AGAP4: variants seen among roughly 807,000 people sequenced by gnomAD.
The protein encoded by AGAP4 is ArfGAP with GTPase domain, ankyrin repeat and PH domain 4, also known as arf-GAP with GTPase, ANK repeat and PH domain-containing protein 4.
Under a neutral mutation model 60.7 loss-of-function variants are expected in AGAP4, and 13 were observed. The ratio of observed to expected loss-of-function variants is 0.21; its 90% CI spans 0.14 to 0.34. The LOEUF (loss-of-function observed/expected upper bound fraction) is 0.34. Ranked by LOEUF, AGAP4 falls within the 10% of genes least tolerant of loss-of-function variation. The probability of loss-of-function intolerance (pLI) is 1.00; values close to 1 mark genes in which losing one functional copy is unlikely to be tolerated. For synonymous variants in AGAP4, 70 were observed against 339.0 expected (o/e 0.21, Z 8.72); for missense variants, 169 against 884.0 (o/e 0.19, Z 10.26).
intron 4 of AGAP4, among the ~76,000 whole-genome samples, chr10:45,837,079 C>T (rs1244069158): frequency 2.8e-4 from 38 of 137,106 alleles, no homozygotes; most frequent in East Asian, 1.1e-3. Flanking sequence ...GTTGGCCAGG[C>T]TGGTCTCGAA....
intron 6 of AGAP4, among the ~76,000 whole-genome samples, chr10:45,830,371 C>T (rs1268301303): frequency 7.5e-6 from 1 of 133,078 alleles, no homozygotes; most frequent in Non-Finnish European, 1.6e-5. Flanking sequence ...CGGGTTTTAC[C>T]ATGTTGGTCG....
At chr10:45,853,709 T>C in exon 1 of AGAP4, 1 of 1,287,820 alleles carries the variant, frequency 7.8e-7, no homozygotes. Flanking sequence ...CAGAAGCTCC[T>C]CTTGGGCAGA....
upstream of AGAP4, chr10:45,847,537 G>T (rs1190009811): frequency 6.1e-6 from 9 of 1,474,434 alleles, no homozygotes; most frequent in Non-Finnish European, 7.1e-6. Context: ...GGCTAGGGCT[G>T]CGGGCCAAGG....
At chr10:45,854,221 G>T, upstream of AGAP4, 1 of 183,424 alleles carries the variant, frequency 5.5e-6, no homozygotes, top group Non-Finnish European at 1.2e-5. Context: ...CTGGGTGAAG[G>T]GACTGACTGC....
At chr10:45,848,630 C>A (rs2059037598), upstream of AGAP4, among the ~76,000 whole-genome samples, 1 of 152,014 alleles carries the variant, frequency 6.6e-6, no homozygotes, top group South Asian at 2.1e-4. Flanking sequence ...AAGGGTGGGG[C>A]CATAGTTTGA....
intron 4 of AGAP4, among the ~76,000 whole-genome samples, chr10:45,841,126 A>T (rs2058909591): frequency 1.1e-5 from 1 of 91,172 alleles, no homozygotes; most frequent in Admixed American, 9.5e-5. Flanking sequence ...TTTTTGAGAC[A>T]GAGTTTTGCT....
chr10:45,840,153 C>G (rs2058894078), intron 4 of AGAP4, among the ~76,000 whole-genome samples: 1 of 148,052 alleles, frequency 6.8e-6, no homozygotes, highest in Non-Finnish European at 1.5e-5. Context: ...GAGAGAGATT[C>G]TAAAAAGCTT....
chr10:45,837,128 G>C (rs1156663217), intron 4 of AGAP4, among the ~76,000 whole-genome samples: 1 of 144,658 alleles, frequency 6.9e-6, no homozygotes, highest in African/African-American at 2.5e-5. Context: ...GCCTCCCAAA[G>C]TGCTGGGATT....
exon 1 of AGAP4, chr10:45,853,812 T>C: frequency 7.8e-7 from 1 of 1,286,842 alleles, no homozygotes; most frequent in Non-Finnish European, 1.0e-6. Flanking sequence ...TTGTCTTTGC[T>C]GGTTTTATGA....
chr10:45,834,402 A>G (rs1166345887), intron 4 of AGAP4, among the ~76,000 whole-genome samples: 48 of 141,336 alleles, frequency 3.4e-4, no homozygotes, highest in East Asian at 6.0e-4. Flanking sequence ...TTCGCGGGGC[A>G]CGGTGGCTCA....
chr10:45,851,097 A>T (rs1408213365), upstream of AGAP4, among the ~76,000 whole-genome samples: 9 of 152,180 alleles, frequency 5.9e-5, no homozygotes, highest in South Asian at 6.2e-4. Flanking sequence ...ATACATGAAA[A>T]AAAAAAGCCA....
chr10:45,831,821 C>A (rs1369409672), intron 5 of AGAP4, among the ~76,000 whole-genome samples: 3 of 134,052 alleles, frequency 2.2e-5, no homozygotes, highest in African/African-American at 8.2e-5. Context: ...CTCCTCACAA[C>A]CTCCACCACC....
intron 4 of AGAP4, among the ~76,000 whole-genome samples, chr10:45,841,137 C>G (rs1283971402): frequency 1.1e-5 from 1 of 90,442 alleles, no homozygotes; most frequent in Admixed American, 9.7e-5. Flanking sequence ...GAGTTTTGCT[C>G]TGTCGTCCAG....
At chr10:45,843,607 A>G (rs1374505520) in intron 3 of AGAP4, among the ~76,000 whole-genome samples, 5 of 126,776 alleles carry the variant, frequency 3.9e-5, no homozygotes, top group African/African-American at 8.9e-5. Context: ...AACAAAGGTT[A>G]CAAACTCCCG....
At chr10:45,831,774 C>G (rs1341615626) in intron 5 of AGAP4, among the ~76,000 whole-genome samples, 2 of 115,530 alleles carry the variant, frequency 1.7e-5, no homozygotes, top group African/African-American at 6.5e-5. Flanking sequence ...GAGTCTGTCT[C>G]TCTTGCTCAG....
At chr10:45,836,292 C>A (rs1348244146) in intron 4 of AGAP4, among the ~76,000 whole-genome samples, 3 of 152,076 alleles carry the variant, frequency 2.0e-5, no homozygotes, top group Non-Finnish European at 2.9e-5. Context: ...TGATTCTAAG[C>A]TTGGTCGCTT....
chr10:45,844,222 A>G (rs1229314158), intron 3 of AGAP4, 104 bp downstream of exon 3: 25 of 1,201,090 alleles, frequency 2.1e-5, no homozygotes, highest in Non-Finnish European at 2.8e-5. Flanking sequence ...ATGTGAAAAG[A>G]TGAAAATTTT....
upstream of AGAP4, among the ~76,000 whole-genome samples, chr10:45,851,496 T>A (rs1220581159): frequency 1.3e-5 from 2 of 151,928 alleles, no homozygotes; most frequent in African/African-American, 4.8e-5. Flanking sequence ...TGTGTGTGTG[T>A]GTGTGAGCGA....
Position 45,844,349 on chromosome 10 carries a change from A to C in AGAP4, c.338T>G (p.Phe113Cys), listed in dbSNP as rs2058967455. Reference protein sequence around the residue: ...PSANPEASTIFQRNSQTDVVE... With the variant: ...PSANPEASTICQRNSQTDVVE... Reference sequence around the variant, plus strand: ...ACCATCTGTTTGAGAGTTCCTCTGGAATATTGTGCTTGCCTCTGGATTGGC... The same window carrying C: ...ACCATCTGTTTGAGAGTTCCTCTGGCATATTGTGCTTGCCTCTGGATTGGC... The change falls in exon 3 of 8, where the codon TTC becomes TGC. Residue 113 changes from phenylalanine to cysteine, a missense_variant. Phe to Cys is a radical substitution (Grantham distance 205). Coordinates refer to ENST00000616763, the MANE Select transcript of AGAP4 (RefSeq NM_001276343.3). 1.3e-6 allele frequency: 2 copies of C among 1,594,764 alleles called. No homozygotes were observed. The highest frequency in any genetic ancestry group is 1.7e-6 in the Non-Finnish European group (2 of 1,179,672).
Sources: gnomAD v4.1 joint callset for allele counts (sites outside exome capture counted in the v4.1 genomes callset) on GRCh38, gnomAD v4.1.1 for gene constraint, MANE v1.5 for transcripts, NCBI Gene and HGNC (gene_info 2026-07-23, HGNC 2026-07-21) for gene names.